ABCA13: variants seen among roughly 807,000 people sequenced by gnomAD.
ABCA13 encodes ATP-binding cassette sub-family A member 13.
In ABCA13, 476 loss-of-function variants were observed where a neutral mutation model predicts 478.7. The observed-to-expected ratio is 0.99, with a 90% CI of 0.92 to 1.07. The LOEUF (loss-of-function observed/expected upper bound fraction) is 1.07. Ranked by LOEUF, ABCA13 falls within the 50% of genes least tolerant of loss-of-function variation. The probability of loss-of-function intolerance (pLI) is 0.00; values close to 1 mark genes in which losing one functional copy is unlikely to be tolerated. For missense variants in ABCA13, 6,060 were observed against 5,910.6 expected, an observed-to-expected ratio of 1.03 and a Z score of -0.83; for synonymous variants, 2,252 against 2,158.9, an observed-to-expected ratio of 1.04 and a Z score of -1.20.
rs114249500 is a variant in ABCA13 at position 48,325,081 on chromosome 7, C to T, written c.9999+7785C>T. ...TCTTTTTTACTCTGACAATAGTTTG[C>T]TCTCAAGTTACTGAAGCAGTAACTT... is the stretch of plus-strand genomic sequence containing the variant. On this transcript the variant is annotated intron_variant, in intron 27 of 61. Coordinates refer to ENST00000435803, the MANE Select transcript of ABCA13 (RefSeq NM_152701.5). Among the ~76,000 whole-genome samples the T allele has an allele frequency of 4.1e-3, 623 of 152,298 alleles. 2 individuals carry two copies. The highest frequency in any genetic ancestry group is 0.014 in the African/African-American group (585 of 41,568).
chr7:48,332,741 T>G (rs960586098), intron 27 of ABCA13, among the ~76,000 whole-genome samples: 2 of 152,248 alleles, frequency 1.3e-5, no homozygotes, highest in African/African-American at 4.8e-5. Flanking sequence ...AATTCTTTTC[T>G]TACGTCGTGA....
At chr7:48,589,027 A>G (rs1162322309) in intron 57 of ABCA13, among the ~76,000 whole-genome samples, 2 of 152,138 alleles carry the variant, frequency 1.3e-5, no homozygotes, top group South Asian at 2.1e-4. Flanking sequence ...CTCCCCCTAC[A>G]CTTACTGCTT....
At chr7:48,450,331 T>G (rs1006457646) in intron 42 of ABCA13, among the ~76,000 whole-genome samples, 1 of 152,162 alleles carries the variant, frequency 6.6e-6, no homozygotes, top group African/African-American at 2.4e-5. Context: ...TACAAAGTAA[T>G]TTATCGTTTA....
At chr7:48,520,370 G>T in intron 53 of ABCA13, 76 bp downstream of exon 53, 1 of 1,457,066 alleles carries the variant, frequency 6.9e-7, no homozygotes. Flanking sequence ...TCATCCTGGA[G>T]GTTGTAAAAT....
chr7:48,591,115 T>A (rs930009731), intron 57 of ABCA13, among the ~76,000 whole-genome samples: 1 of 152,016 alleles, frequency 6.6e-6, no homozygotes. Context: ...TCTCATCTTA[T>A]GTTTAAATCT....
intron 1 of ABCA13, among the ~76,000 whole-genome samples, chr7:48,190,158 T>A (rs1351880694): frequency 1.3e-5 from 2 of 152,220 alleles, no homozygotes; most frequent in Non-Finnish European, 2.9e-5. Context: ...GCATTTTCAC[T>A]ACATCTATCC....
chr7:48,453,136 A>C (rs892763109), intron 42 of ABCA13, among the ~76,000 whole-genome samples: 5 of 152,212 alleles, frequency 3.3e-5, no homozygotes, highest in African/African-American at 1.2e-4. Context: ...CACCATTGAT[A>C]AATGCATTAA....
In ABCA13 at chr7:48,388,227, T is replaced by C. The variant is rs369814931; in HGVS notation, c.11473+268T>C. On this transcript the variant is annotated intron_variant, in intron 36 of 61. Transcript: ENST00000435803. Reference sequence around the variant, plus strand: ...TCCTCCCCTCTGTGCATTATGTGCATTTGTGTGTATATTACAATTTAGAAA... The same window carrying C: ...TCCTCCCCTCTGTGCATTATGTGCACTTGTGTGTATATTACAATTTAGAAA... 3.3e-5 allele frequency among the ~76,000 whole-genome samples: 5 copies of C among 152,320 alleles called. No homozygotes were observed. The East Asian group carries it at 7.7e-4, about 24-fold the overall frequency.
At chr7:48,305,411 CAG>C (rs1346919879) in intron 23 of ABCA13, among the ~76,000 whole-genome samples, 1 of 152,198 alleles carries the variant, frequency 6.6e-6, no homozygotes, top group Non-Finnish European at 1.5e-5. Flanking sequence ...TCCCCAATGG[CAG>C]AGAGCCACAC....
intron 59 of ABCA13, among the ~76,000 whole-genome samples, chr7:48,636,231 A>G (rs568866530): frequency 1.3e-5 from 2 of 152,324 alleles, no homozygotes; most frequent in South Asian, 2.1e-4. Context: ...AGAAGACTTT[A>G]TCAATCACTC....
intron 52 of ABCA13, among the ~76,000 whole-genome samples, chr7:48,518,769 A>G (rs1043474937): frequency 6.6e-6 from 1 of 152,182 alleles, no homozygotes; most frequent in Admixed American, 6.5e-5. Flanking sequence ...AAGAAACCAA[A>G]AAAGGTGACT....
intron 55 of ABCA13, among the ~76,000 whole-genome samples, chr7:48,549,230 A>G (rs1785093399): frequency 6.6e-6 from 1 of 151,610 alleles, no homozygotes; most frequent in South Asian, 2.1e-4. Flanking sequence ...CTACCCGCCA[A>G]CAGGCCCAGG....
chr7:48,392,457 A>G (rs893628370), intron 38 of ABCA13, among the ~76,000 whole-genome samples: 1 of 152,222 alleles, frequency 6.6e-6, no homozygotes, highest in South Asian at 2.1e-4. Context: ...TCCTGAAATG[A>G]AAAGAATTCA....
chr7:48,622,456 G>C (rs2131597324), intron 59 of ABCA13, among the ~76,000 whole-genome samples: 1 of 152,096 alleles, frequency 6.6e-6, no homozygotes, highest in Admixed American at 6.5e-5. Context: ...TTACTCCCTG[G>C]CAAAGGAAAA....
intron 2 of ABCA13, among the ~76,000 whole-genome samples, chr7:48,197,988 C>A (rs1798167060): frequency 6.6e-6 from 1 of 152,122 alleles, no homozygotes; most frequent in Non-Finnish European, 1.5e-5. Flanking sequence ...GTGAATCCTG[C>A]AGCTATATGG....
chr7:48,239,021 A>G (rs1790399623), intron 8 of ABCA13, among the ~76,000 whole-genome samples: 1 of 152,232 alleles, frequency 6.6e-6, no homozygotes. Context: ...CTGGAGAAAC[A>G]GCTGTTCCTA....
rs745604834 is a variant in ABCA13, at chr7:48,271,962, G to T, written c.2296G>T (p.Asp766Tyr). 2.5e-6 allele frequency: 4 copies of T among 1,613,376 alleles called. No individual in the cohort carries two copies. The highest frequency in any genetic ancestry group is 8.5e-7 in the Non-Finnish European group (1 of 1,179,686). ...SFHSLPSLTE[D>Y]ILNISSLWTN... ...CCACAGCCTCCCATCTCTCACAGAGGATATTCTGAATATAAGTTCTCTGTG... is the reference window on the plus strand; with the variant it reads ...CCACAGCCTCCCATCTCTCACAGAGTATATTCTGAATATAAGTTCTCTGTG... The change falls in exon 17 of 62, where the codon GAT (aspartate) becomes TAT (tyrosine). Residue 766 changes from aspartate (D) to tyrosine (Y), a missense_variant. Coordinates refer to ENST00000435803, the MANE Select transcript of ABCA13 (RefSeq NM_152701.5).
At chr7:48,396,289 T>G (rs955277484) in intron 38 of ABCA13, among the ~76,000 whole-genome samples, 2 of 152,220 alleles carry the variant, frequency 1.3e-5, no homozygotes, top group African/African-American at 2.4e-5. Flanking sequence ...CAGAGGGGCC[T>G]TCTGCTTCCA....
intron 60 of ABCA13, among the ~76,000 whole-genome samples, 184 bp from the exon 61 acceptor site, chr7:48,644,433 C>T (rs368110120): frequency 1.3e-5 from 2 of 152,150 alleles, no homozygotes; most frequent in African/African-American, 2.4e-5. Flanking sequence ...CTCAGTTGAA[C>T]GTTGTTTGTC....
Sources: allele counts gnomAD v4.1 joint callset (sites outside exome capture counted in the v4.1 genomes callset), GRCh38; gene constraint gnomAD v4.1.1; transcripts MANE v1.5; gene names NCBI Gene and HGNC (gene_info 2026-07-23, HGNC 2026-07-21).